LRRC37A2: variants seen among roughly 807,000 people sequenced by gnomAD.
LRRC37A2 encodes leucine rich repeat containing 37 member A2.
A neutral mutation model predicts 68.8 loss-of-function variants in LRRC37A2; 9 were observed. The observed-to-expected ratio is 0.13, with a 90% CI of 0.08 to 0.23. The LOEUF is 0.23. LRRC37A2 is among the 10% of genes least tolerant of loss of function. The probability of loss-of-function intolerance (pLI) is 1.00; values close to 1 mark genes in which losing one functional copy is unlikely to be tolerated. For synonymous variants in LRRC37A2, 63 were observed against 367.6 expected (o/e 0.17, Z 9.48); for missense variants, 168 against 950.4 (o/e 0.18, Z 10.82).
At chr17:46,728,583 G>A in the LRRC37A2 span, among the ~76,000 whole-genome samples, 2 of 151,908 alleles carry the variant, frequency 1.3e-5, no homozygotes, top group Non-Finnish European at 1.5e-5. Context: ...GGGCAACATA[G>A]CAAGACCCTG....
chr17:46,722,110 C>T, the LRRC37A2 span: 8 of 1,611,392 alleles, frequency 5.0e-6, no homozygotes, highest in Middle Eastern at 2.2e-4. Flanking sequence ...TGGCCGGACT[C>T]GAACTCGTCC....
At chr17:46,875,027 G>A in the LRRC37A2 span, 2 of 1,612,276 alleles carry the variant, frequency 1.2e-6, no homozygotes, top group Non-Finnish European at 1.7e-6. Flanking sequence ...GAGGGCGGCA[G>A]GCAACCTCTA....
chr17:46,787,870 C>A, the LRRC37A2 span, among the ~76,000 whole-genome samples: 1 of 151,628 alleles, frequency 6.6e-6, no homozygotes, highest in African/African-American at 2.4e-5. Context: ...ACAGGAGAAT[C>A]GCTTGAACCT....
At chr17:46,922,301 G>A in the LRRC37A2 span, among the ~76,000 whole-genome samples, 1 of 152,232 alleles carries the variant, frequency 6.6e-6, no homozygotes, top group South Asian at 2.1e-4. Flanking sequence ...CTTGGACACA[G>A]GAAGGGGGAC....
chr17:46,992,518 G>C, the LRRC37A2 span, among the ~76,000 whole-genome samples: 1 of 152,176 alleles, frequency 6.6e-6, no homozygotes, highest in Non-Finnish European at 1.5e-5. Context: ...TATTTTTAAA[G>C]CTTCCCCAGG....
At chr17:46,382,384 C>A in the LRRC37A2 span, among the ~76,000 whole-genome samples, 1 of 62,912 alleles carries the variant, frequency 1.6e-5, no homozygotes, top group African/African-American at 5.0e-5. Context: ...TTTTTAGAGG[C>A]TGAGTCTCAC....
chr17:46,873,685 C>T, the LRRC37A2 span, among the ~76,000 whole-genome samples: 3 of 152,046 alleles, frequency 2.0e-5, no homozygotes, highest in African/African-American at 4.8e-5. Flanking sequence ...ATGATGAAAC[C>T]CCGTCTCTAC....
chr17:46,798,316 G>C, the LRRC37A2 span, among the ~76,000 whole-genome samples: 1 of 152,218 alleles, frequency 6.6e-6, no homozygotes, highest in African/African-American at 2.4e-5. Flanking sequence ...GGGCTGAGGA[G>C]GACCCACAGA....
chr17:46,728,839 A>T, the LRRC37A2 span: 1 of 1,550,362 alleles, frequency 6.5e-7, no homozygotes, highest in Non-Finnish European at 8.8e-7. Flanking sequence ...TAAACATAAT[A>T]ATGTTTCTTT....
the LRRC37A2 span, among the ~76,000 whole-genome samples, chr17:46,796,896 A>G: frequency 6.6e-6 from 1 of 152,204 alleles, no homozygotes; most frequent in Admixed American, 6.5e-5. Context: ...TTTACACGGG[A>G]TGATTACAAC....
chr17:46,833,754 GGAA>G, the LRRC37A2 span, among the ~76,000 whole-genome samples: 1 of 152,180 alleles, frequency 6.6e-6, no homozygotes, highest in African/African-American at 2.4e-5. Context: ...GCCTGCCCGG[GGAA>G]GAAGTGAGCC....
the LRRC37A2 span, among the ~76,000 whole-genome samples, chr17:46,984,819 A>AG: frequency 2.0e-5 from 3 of 152,064 alleles, no homozygotes; most frequent in Non-Finnish European, 4.4e-5. Context: ...ATTTTAATGA[A>AG]GAGATAAGAA....
chr17:46,891,681 C>T, the LRRC37A2 span, among the ~76,000 whole-genome samples: 4 of 152,200 alleles, frequency 2.6e-5, no homozygotes, highest in African/African-American at 9.7e-5. Flanking sequence ...TTCCACATGA[C>T]CTGACAGCCT....
At chr17:46,498,830 G>T in the LRRC37A2 span, among the ~76,000 whole-genome samples, 3 of 150,110 alleles carry the variant, frequency 2.0e-5, no homozygotes, top group Non-Finnish European at 2.9e-5. Flanking sequence ...ATGTATAGTG[G>T]TTGAAAGCAA....
At chr17:47,017,103 T>C in the LRRC37A2 span, 13 of 1,555,874 alleles carry the variant, frequency 8.4e-6, no homozygotes, top group Admixed American at 6.0e-5. Flanking sequence ...CCTGGTGACA[T>C]GGAGCAGATC....
At chr17:47,048,181 T>C in the LRRC37A2 span, among the ~76,000 whole-genome samples, 383 of 149,916 alleles carry the variant, frequency 2.6e-3, 2 homozygotes, top group African/African-American at 9.1e-3. Context: ...TAGTGCCAGG[T>C]CTTCTGGCCC....
At chr17:46,769,960 G>A in the LRRC37A2 span, 1 of 1,612,902 alleles carries the variant, frequency 6.2e-7, no homozygotes, top group Non-Finnish European at 8.5e-7. Context: ...AGCCGCAAAT[G>A]GTGGAGGTGC....
the LRRC37A2 span, among the ~76,000 whole-genome samples, chr17:46,380,653 C>CGA: frequency 1.7e-4 from 1 of 5,868 alleles, no homozygotes; most frequent in African/African-American, 1.9e-4. Context: ...TAGGAACCAA[C>CGA]GAGAGAGAAC....
At chr17:47,030,708 C>G in the LRRC37A2 span, among the ~76,000 whole-genome samples, 1 of 152,052 alleles carries the variant, frequency 6.6e-6, no homozygotes, top group Non-Finnish European at 1.5e-5. Flanking sequence ...GTAAACAAAG[C>G]TACACTGCAG....
Sources: allele counts gnomAD v4.1 joint callset (sites outside exome capture counted in the v4.1 genomes callset), GRCh38; gene constraint gnomAD v4.1.1; transcripts MANE v1.5; gene names NCBI Gene and HGNC (gene_info 2026-07-23, HGNC 2026-07-21).